The following FSIP1 variants were observed in gnomAD, a reference collection of about 807,000 sequenced individuals.
The protein encoded by FSIP1 is fibrous sheath interacting protein 1.
FSIP1 carries 65 observed loss-of-function variants against 60.9 expected under a neutral mutation model. The observed-to-expected ratio is 1.07, with a 90% CI of 0.87 to 1.31. FSIP1 has a LOEUF of 1.31. Ranked by LOEUF, FSIP1 falls within the 40% of genes most tolerant of loss-of-function variation. The probability of loss-of-function intolerance (pLI) is 0.00; values close to 1 mark genes in which losing one functional copy is unlikely to be tolerated. For missense variants in FSIP1, 675 were observed against 665.5 expected (o/e 1.01, Z -0.16); for synonymous variants, 209 against 221.2 (o/e 0.94, Z 0.49).
chr15:39,723,452 A>C (rs1160578016), intron 9 of FSIP1, among the ~76,000 whole-genome samples: 5 of 152,184 alleles, frequency 3.3e-5, no homozygotes, highest in Admixed American at 2.0e-4. Flanking sequence ...GATGGTCTGG[A>C]TCTCCTGACC....
intron 1 of FSIP1, among the ~76,000 whole-genome samples, chr15:39,781,915 G>C (rs182932584): frequency 1.6e-4 from 25 of 152,306 alleles, no homozygotes; most frequent in African/African-American, 6.0e-4. Flanking sequence ...GTATACATTT[G>C]TCAAAACTCA....
intron 11 of FSIP1, among the ~76,000 whole-genome samples, chr15:39,601,230 T>A (rs574248587): frequency 1.3e-5 from 2 of 152,196 alleles, no homozygotes; most frequent in Non-Finnish European, 1.5e-5. Flanking sequence ...CTACTAAGTT[T>A]CTGGGAAGTA....
At chr15:39,616,305 C>A (rs1370128685) in intron 11 of FSIP1, among the ~76,000 whole-genome samples, 2 of 152,150 alleles carry the variant, frequency 1.3e-5, no homozygotes, top group African/African-American at 4.8e-5. Context: ...TGGCTTAAGG[C>A]AGCACTTTAG....
intron 5 of FSIP1, among the ~76,000 whole-genome samples, chr15:39,742,476 G>A (rs1896836790): frequency 6.6e-6 from 1 of 152,116 alleles, no homozygotes; most frequent in Non-Finnish European, 1.5e-5. Flanking sequence ...TTATTTTTAT[G>A]TTCTCCTATT....
chr15:39,604,079 G>A (rs1890737168), intron 11 of FSIP1, among the ~76,000 whole-genome samples: 1 of 152,182 alleles, frequency 6.6e-6, no homozygotes, highest in Non-Finnish European at 1.5e-5. Context: ...TTATAGGCAT[G>A]CACCACCATA....
At chr15:39,617,652 C>A in intron 11 of FSIP1, 83 bp downstream of exon 11, 2 of 1,197,336 alleles carry the variant, frequency 1.7e-6, no homozygotes, top group South Asian at 1.5e-5. Context: ...CCTTCTTACC[C>A]GACTCTAATT....
intron 10 of FSIP1, among the ~76,000 whole-genome samples, chr15:39,628,941 C>A (rs1412556752): frequency 1.3e-5 from 2 of 152,204 alleles, no homozygotes; most frequent in Non-Finnish European, 2.9e-5. Context: ...GAGGACCATG[C>A]CTGATGCAGA....
At chr15:39,694,278 G>C (rs1168163212) in intron 10 of FSIP1, among the ~76,000 whole-genome samples, 1 of 151,404 alleles carries the variant, frequency 6.6e-6, no homozygotes, top group Non-Finnish European at 1.5e-5. Context: ...GTTATCACTA[G>C]GAATTCCCTA....
chr15:39,726,769 CA>C, intron 8 of FSIP1, 22 bp from the exon 9 acceptor site: 1 of 1,609,192 alleles, frequency 6.2e-7, no homozygotes, highest in Non-Finnish European at 8.5e-7. Flanking sequence ...CAAGGGTCAC[CA>C]GGTCATTCTC....
At chr15:39,605,372 G>A (rs193247851) in intron 11 of FSIP1, among the ~76,000 whole-genome samples, 3 of 152,332 alleles carry the variant, frequency 2.0e-5, no homozygotes, top group Non-Finnish European at 4.4e-5. Flanking sequence ...GATACTCACT[G>A]TGGTTAGGAA....
rs766483290 is a variant in FSIP1 at position 39,755,854 on chromosome 15, C to T, written c.559+7967G>A. On this transcript the variant is annotated intron_variant, in intron 5 of 11. Transcript: ENST00000350221. ...CAAAGACAAAAAGAATAACCTCTAT[C>T]AAAAAGCAACCCTGTCACTAGATGT... Among the ~76,000 whole-genome samples the T allele has an allele frequency of 5.9e-5, 9 of 152,202 alleles. No individual in the cohort carries two copies. The East Asian group carries it at 9.7e-4, about 16-fold the overall frequency.
At chr15:39,680,859 T>G (rs1894132562) in intron 10 of FSIP1, among the ~76,000 whole-genome samples, 1 of 152,148 alleles carries the variant, frequency 6.6e-6, no homozygotes, top group South Asian at 2.1e-4. Context: ...CTCAAGACAG[T>G]AACAGTTTCA....
At chr15:39,681,455 A>G (rs1187259346) in intron 10 of FSIP1, among the ~76,000 whole-genome samples, 1 of 152,192 alleles carries the variant, frequency 6.6e-6, no homozygotes, top group Non-Finnish European at 1.5e-5. Context: ...TGGGTATCAG[A>G]AATTTTCCTG....
intron 10 of FSIP1, among the ~76,000 whole-genome samples, chr15:39,644,237 G>A (rs907548901): frequency 3.3e-5 from 5 of 152,112 alleles, no homozygotes; most frequent in African/African-American, 7.2e-5. Flanking sequence ...CGACTGTCCC[G>A]AACACTTCCC....
rs151000020 is a variant in FSIP1 at position 39,640,880 on chromosome 15, G to A, written c.1189-22635C>T. ...TTGAAATCTGGCCTCTGGCCACTGG[G>A]ATTGGCCAAGACTTGGCTATTGTTA... On this transcript the variant is annotated intron_variant, in intron 10 of 11. Transcript: ENST00000350221. Among the ~76,000 whole-genome samples, 49 of 152,354 alleles carry A rather than the reference G, an allele frequency of 3.2e-4. No individual in the cohort carries two copies. In the East Asian group the frequency reaches 8.7e-3, roughly 27 times the overall value.
At chr15:39,751,001 A>G (rs1001991081) in intron 5 of FSIP1, among the ~76,000 whole-genome samples, 1 of 151,994 alleles carries the variant, frequency 6.6e-6, no homozygotes, top group Non-Finnish European at 1.5e-5. Context: ...GAAAACATAA[A>G]AATGACCAAC....
intron 5 of FSIP1, among the ~76,000 whole-genome samples, chr15:39,761,388 T>C (rs1216917768): frequency 2.0e-5 from 3 of 152,184 alleles, no homozygotes; most frequent in African/African-American, 4.8e-5. Flanking sequence ...TACTTTTCAG[T>C]CTTTAAAAAG....
chr15:39,764,327 G>A (rs1897607891), intron 4 of FSIP1, among the ~76,000 whole-genome samples: 1 of 152,096 alleles, frequency 6.6e-6, no homozygotes, highest in Non-Finnish European at 1.5e-5. Flanking sequence ...AAAAGTGATA[G>A]GCTAACTTTT....
chr15:39,617,208 C>T (rs1053050540), intron 11 of FSIP1, among the ~76,000 whole-genome samples: 8 of 151,960 alleles, frequency 5.3e-5, no homozygotes, highest in African/African-American at 1.2e-4. Context: ...TTGTTTGTGT[C>T]GAAAACTAGT....
Sources: gnomAD v4.1 joint callset for allele counts (sites outside exome capture counted in the v4.1 genomes callset) on GRCh38, gnomAD v4.1.1 for gene constraint, MANE v1.5 for transcripts, NCBI Gene and HGNC (gene_info 2026-07-23, HGNC 2026-07-21) for gene names.